Variants in LRP1B observed in about 807,000 individuals in gnomAD.
LRP1B encodes the protein LDL receptor related protein 1B, also known as low-density lipoprotein receptor-related protein 1B.
Under a neutral mutation model 556.6 loss-of-function variants are expected in LRP1B, and 217 were observed. The observed-to-expected ratio is 0.39, with a 90% CI of 0.35 to 0.44. The LOEUF (loss-of-function observed/expected upper bound fraction) is 0.44, where lower values mean the gene tolerates loss of function less well. Among genes scored for constraint, LRP1B ranks in the 20% least tolerant of loss-of-function variants. LRP1B has a pLI of 1.00. For synonymous variants in LRP1B, 2,047 were observed against 1,865.8 expected, an observed-to-expected ratio of 1.10 and a Z score of -2.50; for missense variants, 5,053 against 5,620.8, an observed-to-expected ratio of 0.90 and a Z score of 3.23.
intron 2 of LRP1B, among the ~76,000 whole-genome samples, chr2:141,483,838 A>G (rs1683015352): frequency 6.6e-6 from 1 of 150,430 alleles, no homozygotes; most frequent in Admixed American, 6.6e-5. Context: ...AATTTGTTTG[A>G]GTTCATTGTA....
At chr2:141,986,892 A>G (rs1702203072) in intron 1 of LRP1B, among the ~76,000 whole-genome samples, 1 of 151,986 alleles carries the variant, frequency 6.6e-6, no homozygotes, top group Non-Finnish European at 1.5e-5. Flanking sequence ...GAGAGGCATA[A>G]AATAAAGTTG....
chr2:141,894,330 C>T (rs1049833207), intron 1 of LRP1B, among the ~76,000 whole-genome samples: 1 of 151,982 alleles, frequency 6.6e-6, no homozygotes, highest in Admixed American at 6.6e-5. Flanking sequence ...AAAATTTTCC[C>T]TCCCTCCCTC....
chr2:141,206,340 G>C (rs1682280008), intron 6 of LRP1B, among the ~76,000 whole-genome samples: 1 of 152,094 alleles, frequency 6.6e-6, no homozygotes, highest in Non-Finnish European at 1.5e-5. Flanking sequence ...CCAGCACTTT[G>C]GAAGGCCGAG....
At chr2:141,202,229 G>A (rs1347560330) in intron 6 of LRP1B, among the ~76,000 whole-genome samples, 1 of 150,022 alleles carries the variant, frequency 6.7e-6, no homozygotes, top group Non-Finnish European at 1.5e-5. Context: ...TACTGCAAAG[G>A]ATATGATCTT....
chr2:141,424,427 A>C (rs1397386766), intron 3 of LRP1B, among the ~76,000 whole-genome samples: 1 of 152,120 alleles, frequency 6.6e-6, no homozygotes, highest in East Asian at 1.9e-4. Context: ...TTCTTAAATA[A>C]CTACTTCCAT....
intron 86 of LRP1B, among the ~76,000 whole-genome samples, chr2:140,253,567 A>G (rs7424028): frequency 0.61 from 93,178 of 151,894 alleles, 29,454 homozygotes; most frequent in Non-Finnish European, 0.7. Context: ...TGTGCAGTCC[A>G]CTTGAGTAGA....
intron 2 of LRP1B, among the ~76,000 whole-genome samples, chr2:141,792,571 T>C (rs1410452229): frequency 6.6e-6 from 1 of 152,052 alleles, no homozygotes; most frequent in Non-Finnish European, 1.5e-5. Flanking sequence ...ATTAATAGAC[T>C]GAGTTAGCTA....
chr2:141,151,187 C>T (rs1701915496), intron 7 of LRP1B, among the ~76,000 whole-genome samples: 1 of 152,088 alleles, frequency 6.6e-6, no homozygotes, highest in Non-Finnish European at 1.5e-5. Flanking sequence ...CCGAAGATCT[C>T]ATTGTAGTAA....
intron 41 of LRP1B, among the ~76,000 whole-genome samples, chr2:140,602,081 C>G (rs886593777): frequency 6.6e-6 from 1 of 151,888 alleles, no homozygotes; most frequent in Non-Finnish European, 1.5e-5. Flanking sequence ...GCAAACACAT[C>G]GAAAACTACA....
At chr2:141,463,766 T>C (rs1029934515) in intron 3 of LRP1B, among the ~76,000 whole-genome samples, 2 of 145,502 alleles carry the variant, frequency 1.4e-5, no homozygotes, top group Admixed American at 7.0e-5. Flanking sequence ...CCTATGTTGA[T>C]TGTATTTCAA....
chr2:141,798,104 C>T lies in LRP1B; in HGVS notation c.205+12175G>A, dbSNP rs75841300. 2.4e-3 allele frequency among the ~76,000 whole-genome samples: 367 copies of T among 152,074 alleles called. 4 individuals carry two copies. Among genetic ancestry groups the T allele is most frequent in the Non-Finnish European group, 4.5e-3 (308 of 68,006 alleles). On this transcript the variant is annotated intron_variant, in intron 2 of 90. Transcript: ENST00000389484. Reference sequence around the variant, plus strand: ...GGGTTATATAAGAATATGTATTGTTCCTAGAAAGATTTAGGTGTAAACACA... The same window carrying T: ...GGGTTATATAAGAATATGTATTGTTTCTAGAAAGATTTAGGTGTAAACACA...
intron 7 of LRP1B, among the ~76,000 whole-genome samples, chr2:141,162,770 T>G (rs1174705834): frequency 6.6e-6 from 1 of 152,114 alleles, no homozygotes; most frequent in Non-Finnish European, 1.5e-5. Flanking sequence ...CTTTCATAGA[T>G]AGTTTATCAG....
chr2:141,384,956 G>T (rs960239983), intron 3 of LRP1B, among the ~76,000 whole-genome samples: 1 of 152,110 alleles, frequency 6.6e-6, no homozygotes, highest in Admixed American at 6.6e-5. Flanking sequence ...GCTCCAAGTG[G>T]TGAGCAAGCC....
intron 84 of LRP1B, among the ~76,000 whole-genome samples, chr2:140,280,048 C>T (rs1258669167): frequency 6.6e-6 from 1 of 151,642 alleles, no homozygotes; most frequent in Non-Finnish European, 1.5e-5. Context: ...TTATATTTCA[C>T]TTTTGCTAAG....
chr2:141,404,999 G>A (rs1163271568), intron 3 of LRP1B, among the ~76,000 whole-genome samples: 1 of 152,046 alleles, frequency 6.6e-6, no homozygotes, highest in African/African-American at 2.4e-5. Flanking sequence ...GGCTGAGGCA[G>A]GAGAATGGGG....
intron 41 of LRP1B, among the ~76,000 whole-genome samples, chr2:140,643,908 T>C (rs1372335103): frequency 6.6e-6 from 1 of 152,070 alleles, no homozygotes; most frequent in Non-Finnish European, 1.5e-5. Flanking sequence ...GAGAAAACAG[T>C]AGGAAAGGTG....
intron 31 of LRP1B, among the ~76,000 whole-genome samples, chr2:140,838,036 T>C (rs923790892): frequency 1.3e-5 from 2 of 152,152 alleles, no homozygotes; most frequent in African/African-American, 4.8e-5. Flanking sequence ...TAAACTTTTT[T>C]TTTTTATTAT....
At chr2:141,914,897 A>G (rs890505126) in intron 1 of LRP1B, among the ~76,000 whole-genome samples, 4 of 152,234 alleles carry the variant, frequency 2.6e-5, no homozygotes, top group Admixed American at 6.5e-5. Context: ...GAATTGGAAG[A>G]ATCAATATCA....
intron 11 of LRP1B, among the ~76,000 whole-genome samples, chr2:141,046,347 T>A (rs766746423): frequency 6.6e-6 from 1 of 152,090 alleles, no homozygotes; most frequent in African/African-American, 2.4e-5. Flanking sequence ...TGAATACACA[T>A]AGAATTTAAT....
Sources: gnomAD v4.1 joint callset for allele counts (sites outside exome capture counted in the v4.1 genomes callset) on GRCh38, gnomAD v4.1.1 for gene constraint, MANE v1.5 for transcripts, NCBI Gene and HGNC (gene_info 2026-07-23, HGNC 2026-07-21) for gene names.